UQCC6: variants seen among roughly 807,000 people sequenced by gnomAD.
The protein encoded by UQCC6 is ubiquinol-cytochrome c reductase complex assembly factor 6.
chr12:103,951,470 A>T, the UQCC6 span: 1 of 1,054,208 alleles, frequency 9.5e-7, no homozygotes, highest in Non-Finnish European at 1.4e-6. Context: ...TGATGCAATA[A>T]ATTAAGAAAT....
At chr12:103,953,473 C>T in the UQCC6 span, 6 of 702,250 alleles carry the variant, frequency 8.5e-6, no homozygotes, top group African/African-American at 5.2e-5. Flanking sequence ...TCATGGTCTC[C>T]TCTGCTCGAC....
At chr12:103,954,544 G>A in the UQCC6 span, 1 of 186,014 alleles carries the variant, frequency 5.4e-6, no homozygotes, top group Non-Finnish European at 1.1e-5. Flanking sequence ...CTTCACCACA[G>A]GGAGGGCACC....
At chr12:103,953,507 C>T in the UQCC6 span, 18 of 702,212 alleles carry the variant, frequency 2.6e-5, no homozygotes, top group Non-Finnish European at 3.9e-5. Context: ...TCCAGTTCTC[C>T]GACCGAAAGA....
chr12:103,956,912 C>A, the UQCC6 span: 1 of 579,450 alleles, frequency 1.7e-6, no homozygotes, highest in South Asian at 2.1e-5. Context: ...TCCTCCTTTA[C>A]GAGCTGAGGG....
the UQCC6 span, among the ~76,000 whole-genome samples, chr12:103,958,100 C>A: frequency 6.8e-6 from 1 of 147,384 alleles, no homozygotes; most frequent in Non-Finnish European, 1.5e-5. Context: ...ACTATAATCC[C>A]AGCTACTCGG....
At chr12:103,956,687 G>A in the UQCC6 span, 1 of 1,551,756 alleles carries the variant, frequency 6.4e-7, no homozygotes, top group Admixed American at 2.0e-5. Flanking sequence ...ATGGCCAGGA[G>A]ACTGGCTGCG....
chr12:103,960,076 T>C, the UQCC6 span, among the ~76,000 whole-genome samples: 1 of 151,216 alleles, frequency 6.6e-6, no homozygotes, highest in East Asian at 2.0e-4. Flanking sequence ...TGCCTGGCTA[T>C]TTATTTATTT....
At chr12:103,953,256 G>T in the UQCC6 span, 3 of 679,204 alleles carry the variant, frequency 4.4e-6, no homozygotes, top group Non-Finnish European at 8.1e-6. Flanking sequence ...TGAGAAGCAG[G>T]CAGCATCTGG....
At chr12:103,956,726 C>A in the UQCC6 span, 1 of 1,551,252 alleles carries the variant, frequency 6.4e-7, no homozygotes, top group Non-Finnish European at 8.7e-7. Context: ...GACATGGGCA[C>A]GCCCGCGGGC....
chr12:103,959,435 G>T, the UQCC6 span, among the ~76,000 whole-genome samples: 1 of 152,126 alleles, frequency 6.6e-6, no homozygotes, highest in South Asian at 2.1e-4. Context: ...TTGCCAGGCC[G>T]GGTGCAGTGG....
At chr12:103,961,601 G>C in the UQCC6 span, among the ~76,000 whole-genome samples, 1 of 152,046 alleles carries the variant, frequency 6.6e-6, no homozygotes, top group Non-Finnish European at 1.5e-5. Context: ...CTGTTGCCCA[G>C]GCTAGAGTGC....
chr12:103,957,594 C>G, the UQCC6 span, among the ~76,000 whole-genome samples: 8 of 152,162 alleles, frequency 5.3e-5, no homozygotes, highest in African/African-American at 1.9e-4. Flanking sequence ...GTCCCTGTGT[C>G]TGGCGTCTTT....
chr12:103,962,943 C>T, the UQCC6 span, among the ~76,000 whole-genome samples: 1 of 152,180 alleles, frequency 6.6e-6, no homozygotes, highest in African/African-American at 2.4e-5. Context: ...TTTGTTTTTG[C>T]ATATAGATAT....
the UQCC6 span, chr12:103,956,208 C>A: frequency 1.4e-5 from 2 of 138,516 alleles, no homozygotes; most frequent in East Asian, 2.1e-4. Flanking sequence ...AGAAGGAAAC[C>A]AAGCCAAGTT....
chr12:103,954,895 C>T, the UQCC6 span: 14 of 698,136 alleles, frequency 2.0e-5, 1 homozygote, highest in South Asian at 1.8e-4. Context: ...GCTTGGGCTT[C>T]AGATCCTCAA....
the UQCC6 span, chr12:103,955,047 G>T: frequency 1.5e-6 from 1 of 675,676 alleles, no homozygotes; most frequent in Non-Finnish European, 2.7e-6. Context: ...AGGCACAGTG[G>T]CTCATGCCTG....
the UQCC6 span, among the ~76,000 whole-genome samples, chr12:103,953,816 C>T: frequency 2.6e-5 from 4 of 152,160 alleles, no homozygotes; most frequent in African/African-American, 7.2e-5. Flanking sequence ...TTGCACATTC[C>T]CAATTATAAT....
chr12:103,964,761 C>T, the UQCC6 span, among the ~76,000 whole-genome samples: 1 of 152,180 alleles, frequency 6.6e-6, no homozygotes, highest in Non-Finnish European at 1.5e-5. Flanking sequence ...TTCATTCACT[C>T]AACATATATT....
chr12:103,953,158 G>A, the UQCC6 span, among the ~76,000 whole-genome samples: 1 of 152,146 alleles, frequency 6.6e-6, no homozygotes, highest in African/African-American at 2.4e-5. Context: ...AGCAAGAGTC[G>A]AAGGCAGAAG....
Sources: allele counts gnomAD v4.1 joint callset (sites outside exome capture counted in the v4.1 genomes callset), GRCh38; gene constraint gnomAD v4.1.1; transcripts MANE v1.5; gene names NCBI Gene and HGNC (gene_info 2026-07-23, HGNC 2026-07-21).